The following MAGI2 variants were observed in gnomAD, a reference collection of about 807,000 sequenced individuals.
MAGI2 encodes the protein membrane-associated guanylate kinase, WW and PDZ domain-containing protein 2.
In MAGI2, 35 loss-of-function variants were observed where a neutral mutation model predicts 133.3. The ratio of observed to expected loss-of-function variants is 0.26; its 90% CI spans 0.20 to 0.35. The LOEUF (loss-of-function observed/expected upper bound fraction) is 0.35. Among genes scored for constraint, MAGI2 ranks in the 10% least tolerant of loss-of-function variants. The pLI is 1.00. For synonymous variants in MAGI2, 729 were observed against 710.6 expected (o/e 1.03, Z -0.41); for missense variants, 1,636 against 1,863.4 (o/e 0.88, Z 2.25).
intron 2 of MAGI2, among the ~76,000 whole-genome samples, chr7:78,893,312 G>T (rs1563633947): frequency 6.6e-6 from 1 of 152,232 alleles, no homozygotes; most frequent in Non-Finnish European, 1.5e-5. Context: ...CATTGTGGAA[G>T]TTGGTGTGGG....
chr7:78,462,941 T>C (rs539634417), intron 6 of MAGI2, among the ~76,000 whole-genome samples: 1 of 152,236 alleles, frequency 6.6e-6, no homozygotes, highest in Non-Finnish European at 1.5e-5. Context: ...ACCTTGGCTA[T>C]AACTTTCTAC....
intron 7 of MAGI2, among the ~76,000 whole-genome samples, chr7:78,360,067 T>C (rs1228207739): frequency 2.0e-5 from 3 of 152,226 alleles, no homozygotes; most frequent in Non-Finnish European, 4.4e-5. Flanking sequence ...GATGAGGTAG[T>C]AATGTATTTT....
At chr7:78,734,391 G>A (rs1004327388) in intron 2 of MAGI2, among the ~76,000 whole-genome samples, 2 of 152,152 alleles carry the variant, frequency 1.3e-5, no homozygotes, top group Non-Finnish European at 2.9e-5. Context: ...GAACCACTGA[G>A]AAAGCAGTTG....
intron 1 of MAGI2, among the ~76,000 whole-genome samples, chr7:79,150,040 G>A (rs1404621491): frequency 6.6e-6 from 1 of 152,084 alleles, no homozygotes; most frequent in Non-Finnish European, 1.5e-5. Flanking sequence ...GGAAAGATGA[G>A]CTGAAGTTAA....
At chr7:78,399,250 G>GCACA (rs1016712119) in intron 6 of MAGI2, among the ~76,000 whole-genome samples, 2 of 151,902 alleles carry the variant, frequency 1.3e-5, no homozygotes, top group African/African-American at 4.8e-5. Flanking sequence ...GCGGGTGTGT[G>GCACA]CACACACACA....
chr7:79,277,130 T>G (rs1391625088), intron 1 of MAGI2, among the ~76,000 whole-genome samples: 1 of 152,088 alleles, frequency 6.6e-6, no homozygotes, highest in Non-Finnish European at 1.5e-5. Context: ...AAAGAGTCAA[T>G]TGATGCAGCA....
intron 21 of MAGI2, chr7:78,078,633 G>GAAAATAAAA: frequency 2.0e-6 from 1 of 492,860 alleles, no homozygotes; most frequent in South Asian, 3.4e-5. Context: ...AATTGTAACA[G>GAAAATAAAA]TTCTAATATT....
intron 2 of MAGI2, among the ~76,000 whole-genome samples, chr7:78,929,018 C>T (rs1384301973): frequency 6.6e-6 from 1 of 151,884 alleles, no homozygotes; most frequent in East Asian, 1.9e-4. Flanking sequence ...ATGCTATAAG[C>T]TCTCTCAGAG....
At chr7:79,099,999 C>T (rs1416614249) in intron 1 of MAGI2, among the ~76,000 whole-genome samples, 1 of 152,104 alleles carries the variant, frequency 6.6e-6, no homozygotes, top group Non-Finnish European at 1.5e-5. Context: ...TGTGTGTGAA[C>T]ATTTTTTAGA....
chr7:78,445,421 A>G (rs1174405992), intron 6 of MAGI2, among the ~76,000 whole-genome samples: 1 of 152,044 alleles, frequency 6.6e-6, no homozygotes, highest in Admixed American at 6.6e-5. Context: ...ATTCAGAAAG[A>G]TTATGAAAAA....
chr7:78,369,049 T>A (rs1002163330), intron 7 of MAGI2, 107 bp downstream of exon 7: 2 of 719,134 alleles, frequency 2.8e-6, no homozygotes, highest in African/African-American at 1.8e-5. Context: ...CAAAGTAAGA[T>A]GAAAGGGAAA....
At chr7:78,911,741 T>C (rs1475996461) in intron 2 of MAGI2, among the ~76,000 whole-genome samples, 1 of 152,100 alleles carries the variant, frequency 6.6e-6, no homozygotes, top group African/African-American at 2.4e-5. Context: ...CATGTGAAGG[T>C]TTGTTCCATA....
intron 2 of MAGI2, among the ~76,000 whole-genome samples, chr7:78,670,862 T>A (rs1814294795): frequency 6.6e-6 from 1 of 152,216 alleles, no homozygotes; most frequent in African/African-American, 2.4e-5. Flanking sequence ...GTGAACATTC[T>A]ACTTTATCAT....
rs552715198 is a variant in MAGI2 at position 78,322,243 on chromosome 7, C to A, written c.1408+21535G>T. Among the ~76,000 whole-genome samples, 26 of 152,290 alleles carry A rather than the reference C, an allele frequency of 1.7e-4. No homozygotes were observed. The South Asian group carries it at 3.7e-3, about 22-fold the overall frequency. ...CTAGAACCAGAACTACCATTTGACC[C>A]AGCAATCTCATCATGGGTATACACC... is the stretch of plus-strand genomic sequence containing the variant. On this transcript the variant is annotated intron_variant, in intron 9 of 21. Transcript: ENST00000354212.
At chr7:78,501,489 T>TC (rs1208283308) in intron 5 of MAGI2, 88 bp downstream of exon 5, 2 of 1,186,348 alleles carry the variant, frequency 1.7e-6, no homozygotes, top group South Asian at 1.4e-5. Flanking sequence ...TTTTTCTTTT[T>TC]TTTTTTTTTT....
In MAGI2 at chr7:79,060,779, A is replaced by G. The variant is rs79302659; in HGVS notation, c.302-53573T>C. On this transcript the variant is annotated intron_variant, in intron 1 of 21. Coordinates refer to ENST00000354212, the MANE Select transcript of MAGI2 (RefSeq NM_012301.4). The stretch of plus-strand genomic sequence containing the variant: ...CTTGCTGTGTTTCCCACCTGATAGA[A>G]AGTGAATGATGTAGCTATTTTGGGC... Among the ~76,000 whole-genome samples, 1,516 of 152,210 alleles carry G rather than the reference A, an allele frequency of 1.0e-2. 15 individuals are homozygous for G. The highest frequency in any genetic ancestry group is 0.032 in the African/African-American group (1,331 of 41,544).
At chr7:79,186,685 G>GTATATATATTTATACAAAAGTATA (rs1376677717) in intron 1 of MAGI2, among the ~76,000 whole-genome samples, 5 of 132,300 alleles carry the variant, frequency 3.8e-5, no homozygotes, top group South Asian at 4.3e-4. Flanking sequence ...TTTTATACGA[G>GTATATATATTTATACAAAAGTATA]TATATATATT....
At chr7:78,860,242 T>C (rs1299137796) in intron 2 of MAGI2, among the ~76,000 whole-genome samples, 1 of 152,220 alleles carries the variant, frequency 6.6e-6, no homozygotes, top group Non-Finnish European at 1.5e-5. Flanking sequence ...CCTTCTTCTC[T>C]CAACTCTTCA....
chr7:78,112,079 G>A (rs969039363), intron 20 of MAGI2, among the ~76,000 whole-genome samples: 2 of 152,052 alleles, frequency 1.3e-5, no homozygotes, highest in African/African-American at 2.4e-5. Context: ...TCATTTGTCT[G>A]CATTGACCTG....
Sources: allele counts gnomAD v4.1 joint callset (sites outside exome capture counted in the v4.1 genomes callset), GRCh38; gene constraint gnomAD v4.1.1; transcripts MANE v1.5; gene names NCBI Gene and HGNC (gene_info 2026-07-23, HGNC 2026-07-21).